COG5: variants seen among roughly 807,000 people sequenced by gnomAD.
COG5 encodes the protein conserved oligomeric Golgi complex subunit 5.
A neutral mutation model predicts 110.4 loss-of-function variants in COG5; 86 were observed. The observed-to-expected ratio is 0.78, with a 90% CI of 0.65 to 0.93. The LOEUF (loss-of-function observed/expected upper bound fraction) is 0.93, where lower values mean the gene tolerates loss of function less well. Among genes scored for constraint, COG5 ranks in the 40% least tolerant of loss-of-function variants. The probability of loss-of-function intolerance (pLI) is 0.00; values close to 1 mark genes in which losing one functional copy is unlikely to be tolerated. For missense variants in COG5, 1,077 were observed against 987.0 expected, an observed-to-expected ratio of 1.09 and a Z score of -1.22; for synonymous variants, 360 against 334.6, an observed-to-expected ratio of 1.08 and a Z score of -0.83.
chr7:107,432,745 C>G (rs1013387020), intron 6 of COG5, among the ~76,000 whole-genome samples: 10 of 151,952 alleles, frequency 6.6e-5, no homozygotes, highest in African/African-American at 2.2e-4. Context: ...ATAAAAAGTC[C>G]AGGGATGCAT....
chr7:107,556,261 TA>T (rs1240562370), intron 2 of COG5, among the ~76,000 whole-genome samples: 2 of 152,196 alleles, frequency 1.3e-5, no homozygotes, highest in Non-Finnish European at 2.9e-5. Context: ...AACAATTTTA[TA>T]AGCATCCAAA....
chr7:107,429,530 C>T (rs1175799930), intron 6 of COG5, among the ~76,000 whole-genome samples: 2 of 151,838 alleles, frequency 1.3e-5, no homozygotes, highest in Non-Finnish European at 2.9e-5. Context: ...GGAGCTCAAG[C>T]AGTCCTACTG....
At chr7:107,433,058 A>G (rs1794135044) in intron 6 of COG5, among the ~76,000 whole-genome samples, 1 of 152,220 alleles carries the variant, frequency 6.6e-6, no homozygotes, top group Non-Finnish European at 1.5e-5. Flanking sequence ...CAAAGAGGAA[A>G]TTAAGAAAAT....
chr7:107,449,958 A>G (rs1343305115), intron 6 of COG5: 1 of 152,230 alleles, frequency 6.6e-6, no homozygotes, highest in African/African-American at 2.4e-5. Context: ...AGCAAAAAGA[A>G]GGTAAAGGAT....
At position 107,412,614 on chromosome 7, in the gene COG5, A is replaced by G. The variant is rs2129067260; in HGVS notation, c.557T>C (p.Ile186Thr). ...TATCACTTCTATTCCAGAAAGATCT[A>G]TTCCTTGAGAAAGATAATCTGTTTA... Reference protein sequence around the residue: ...LNELDYLSQGIDLSGIEVIEN... With the variant: ...LNELDYLSQGTDLSGIEVIEN... The change falls in exon 7 of 22, where the codon ATA (isoleucine) becomes ACA (threonine). Residue 186 changes from isoleucine (I) to threonine (T), a missense_variant. Physicochemically the swap from Ile to Thr is moderately conservative, Grantham distance 89. Coordinates refer to ENST00000297135, the MANE Select transcript of COG5 (RefSeq NM_006348.5). 1.9e-6 allele frequency: 3 copies of G among 1,547,808 alleles called. No individual in the cohort carries two copies.
intron 5 of COG5, among the ~76,000 whole-genome samples, chr7:107,541,375 T>C (rs971429515): frequency 6.7e-6 from 1 of 149,022 alleles, no homozygotes. Context: ...TGCATGCCCA[T>C]AGTCTCAGCT....
chr7:107,323,538 A>G (rs1809492903), intron 11 of COG5, among the ~76,000 whole-genome samples: 1 of 152,216 alleles, frequency 6.6e-6, no homozygotes, highest in Admixed American at 6.5e-5. Flanking sequence ...CTGGAAAAAA[A>G]CAAAACAAAA....
chr7:107,336,284 C>G (rs1810690939), intron 10 of COG5, among the ~76,000 whole-genome samples: 1 of 152,052 alleles, frequency 6.6e-6, no homozygotes, highest in Non-Finnish European at 1.5e-5. Flanking sequence ...TGAAATACAC[C>G]AAGCACAGAA....
At chr7:107,336,060 C>T (rs1309412245) in intron 10 of COG5, among the ~76,000 whole-genome samples, 1 of 152,098 alleles carries the variant, frequency 6.6e-6, no homozygotes, top group African/African-American at 2.4e-5. Context: ...ATGGCCAGAT[C>T]ATCCAAAAGA....
At chr7:107,220,286 T>C (rs1204378986) in intron 19 of COG5, among the ~76,000 whole-genome samples, 2 of 152,238 alleles carry the variant, frequency 1.3e-5, no homozygotes, top group African/African-American at 4.8e-5. Context: ...TACAGGATCA[T>C]CATTTGAAGG....
At chr7:107,511,137 T>C (rs933181499) in intron 6 of COG5, among the ~76,000 whole-genome samples, 5 of 150,080 alleles carry the variant, frequency 3.3e-5, no homozygotes, top group African/African-American at 1.2e-4. Flanking sequence ...ACAAAACTGA[T>C]AGACTGCTAG....
At chr7:107,290,298 T>C (rs1159951620) in intron 12 of COG5, among the ~76,000 whole-genome samples, 1 of 152,112 alleles carries the variant, frequency 6.6e-6, no homozygotes, top group Non-Finnish European at 1.5e-5. Context: ...CTCAAAACCC[T>C]CTTTGGAAAA....
chr7:107,543,097 ATTAG>A (rs1802162577), intron 5 of COG5, among the ~76,000 whole-genome samples: 2 of 152,320 alleles, frequency 1.3e-5, no homozygotes, highest in African/African-American at 4.8e-5. Context: ...TATGAGTGAC[ATTAG>A]TAAGATGGCA....
intron 1 of COG5, among the ~76,000 whole-genome samples, chr7:107,562,080 TA>T (rs1470611919): frequency 2.0e-5 from 3 of 152,214 alleles, no homozygotes; most frequent in African/African-American, 7.2e-5. Context: ...ACGTTGAGGT[TA>T]AATTCATAGG....
At chr7:107,409,906 C>T (rs1347351472) in intron 7 of COG5, among the ~76,000 whole-genome samples, 2 of 152,112 alleles carry the variant, frequency 1.3e-5, no homozygotes, top group Non-Finnish European at 2.9e-5. Context: ...CTGAAACAAC[C>T]ATCTGTGAAA....
intron 1 of COG5, among the ~76,000 whole-genome samples, chr7:107,558,517 T>C (rs1197109060): frequency 6.6e-6 from 1 of 151,926 alleles, no homozygotes. Context: ...AGTGGAAGAA[T>C]AGCTTGAACC....
At chr7:107,444,353 G>T (rs1794886570) in intron 6 of COG5, among the ~76,000 whole-genome samples, 1 of 152,098 alleles carries the variant, frequency 6.6e-6, no homozygotes, top group South Asian at 2.1e-4. Flanking sequence ...AATTATTCAA[G>T]TCCATCTTAT....
chr7:107,362,473 A>G (rs1813211769), intron 8 of COG5, 53 bp from the exon 9 acceptor site: 1 of 1,016,586 alleles, frequency 9.8e-7, no homozygotes, highest in African/African-American at 1.6e-5. Context: ...AAAGGCAAAT[A>G]TATATATATA....
chr7:107,378,883 G>A (rs1162047623), intron 7 of COG5, among the ~76,000 whole-genome samples: 1 of 152,164 alleles, frequency 6.6e-6, no homozygotes, highest in African/African-American at 2.4e-5. Context: ...CCCCAACCTA[G>A]CAAGACAGGC....
Sources: gnomAD v4.1 joint callset for allele counts (sites outside exome capture counted in the v4.1 genomes callset) on GRCh38, gnomAD v4.1.1 for gene constraint, MANE v1.5 for transcripts, NCBI Gene and HGNC (gene_info 2026-07-23, HGNC 2026-07-21) for gene names.